The following COL4A6 variants were observed in gnomAD, a reference collection of about 807,000 sequenced individuals.
The protein encoded by COL4A6 is collagen type IV alpha 6 chain, also known as collagen alpha-6(IV) chain.
A neutral mutation model predicts 126.7 loss-of-function variants in COL4A6; 59 were observed. The ratio of observed to expected loss-of-function variants is 0.47; its 90% CI spans 0.38 to 0.58. The LOEUF is 0.58. Among genes scored for constraint, COL4A6 ranks in the 20% least tolerant of loss-of-function variants. The probability of loss-of-function intolerance (pLI) is 0.00; values close to 1 mark genes in which losing one functional copy is unlikely to be tolerated. For synonymous variants in COL4A6, 547 were observed against 496.6 expected (o/e 1.10, Z -1.35); for missense variants, 1,285 against 1,337.3 (o/e 0.96, Z 0.61).
intron 3 of COL4A6, among the ~76,000 whole-genome samples, chrX:108,261,798 A>G (rs932852665): frequency 1.8e-5 from 2 of 111,818 alleles, no homozygotes; most frequent in African/African-American, 6.5e-5. Context: ...TCTGATCTAT[A>G]AATATTTAAC....
At chrX:108,284,027 A>G (rs1302293840) in intron 3 of COL4A6, among the ~76,000 whole-genome samples, 3 of 111,903 alleles carry the variant, frequency 2.7e-5, no homozygotes, top group African/African-American at 9.7e-5. Context: ...TAACTGTAAT[A>G]CATTCAGTAG....
chrX:108,267,045 C>T (rs1328564741), intron 3 of COL4A6, among the ~76,000 whole-genome samples: 1 of 112,070 alleles, frequency 8.9e-6, no homozygotes, highest in Non-Finnish European at 1.9e-5. Context: ...TAAAGTCAAG[C>T]TATTGGCAGA....
At chrX:108,169,238 T>A (rs1365818728) in intron 37 of COL4A6, among the ~76,000 whole-genome samples, 1 of 111,227 alleles carries the variant, frequency 9.0e-6, no homozygotes, top group African/African-American at 3.3e-5. Flanking sequence ...AGGCTTGAGG[T>A]TAGTAAGGAG....
intron 3 of COL4A6, among the ~76,000 whole-genome samples, chrX:108,258,932 T>C (rs770868699): frequency 1.1e-3 from 120 of 110,917 alleles, no homozygotes; most frequent in Non-Finnish European, 1.9e-3. Flanking sequence ...CTCCTCTCTA[T>C]TGAAACTGTG....
intron 37 of COL4A6, among the ~76,000 whole-genome samples, chrX:108,166,548 C>T (rs1340039614): frequency 8.9e-6 from 1 of 111,828 alleles, no homozygotes. Flanking sequence ...CTGAATTTCT[C>T]TTATTAAGGT....
Position 108,173,461 on chromosome X carries a change from GGTGTGTGTGT to G in COL4A6, c.3139-939_3139-930del, listed in dbSNP as rs56782024. On this transcript the variant is annotated intron_variant, in intron 31 of 44. Coordinates refer to ENST00000334504, the MANE Select transcript of COL4A6 (RefSeq NM_033641.4). ...GAACTATTTATTTTCAATTGCTTCAGGTGTGTGTGTGTGTGTGTGTGTGTGTGTGTGTGTG... is the reference window on the plus strand; with the variant it reads ...GAACTATTTATTTTCAATTGCTTCAGGTGTGTGTGTGTGTGTGTGTGTGTG... Among the ~76,000 whole-genome samples the G allele has an allele frequency of 2.7e-3, 274 of 100,998 alleles. 2 individuals are homozygous for G. In the South Asian group the frequency reaches 0.04, roughly 15 times the overall value. 87.7% of individuals were successfully genotyped at this position (100,998 alleles called of 115,157 possible). A position where few individuals can be genotyped will look rare whatever the true frequency, so the allele number is the denominator to read the frequency against.
chrX:108,376,045 C>G (rs2040427196), intron 2 of COL4A6, among the ~76,000 whole-genome samples: 1 of 111,956 alleles, frequency 8.9e-6, no homozygotes. Flanking sequence ...CATCTTTTTT[C>G]TGGCTTAAAT....
chrX:108,165,344 C>G, intron 38 of COL4A6, 26 bp downstream of exon 38: 1 of 1,138,848 alleles, frequency 8.8e-7, no homozygotes, highest in Non-Finnish European at 1.2e-6. Flanking sequence ...TGGTGGCTAG[C>G]CCTCTTTTGG....
intron 3 of COL4A6, among the ~76,000 whole-genome samples, chrX:108,246,531 T>A (rs2036720810): frequency 8.9e-6 from 1 of 112,058 alleles, no homozygotes; most frequent in South Asian, 3.7e-4. Flanking sequence ...CTAACAAAAC[T>A]TTATTTAGAA....
chrX:108,301,498 C>T (rs1331180592), intron 3 of COL4A6, among the ~76,000 whole-genome samples: 1 of 111,080 alleles, frequency 9.0e-6, no homozygotes, highest in African/African-American at 3.3e-5. Flanking sequence ...CAGATTTTCT[C>T]CACTCCAAGT....
chrX:108,179,457 A>G lies in COL4A6; in HGVS notation c.2132-19T>C. On this transcript the variant is annotated intron_variant, in intron 25 of 44. Transcript: ENST00000334504. Reference sequence around the variant, plus strand: ...GGAAATCCTAAACGTAAAAAGGCGAACATAAAAGACCATGGCTGTTTAGAA... The same window carrying G: ...GGAAATCCTAAACGTAAAAAGGCGAGCATAAAAGACCATGGCTGTTTAGAA... 4.3e-6 allele frequency: 5 copies of G among 1,151,738 alleles called. No individual in the cohort carries two copies. Among genetic ancestry groups the G allele is most frequent in the Non-Finnish European group, 5.9e-6 (5 of 851,494 alleles). The allele number at this position is 1,151,738 out of a possible 1,213,427, so 94.9% of individuals were successfully genotyped here.
intron 38 of COL4A6, 148 bp downstream of exon 38, chrX:108,165,222 C>A: frequency 1.4e-6 from 1 of 730,850 alleles, no homozygotes; most frequent in Non-Finnish European, 2.1e-6. Context: ...TGGCTCAAGT[C>A]CCCTGTGTCC....
chrX:108,438,240 G>T lies in COL4A6; in HGVS notation c.-44C>A, dbSNP rs750303578. Reference sequence around the variant, plus strand: ...GCTGGGTCCCGGGAGACTGCTAAGCGGCTCCGCGGCCCGTGCTCATCTGGG... The same window carrying T: ...GCTGGGTCCCGGGAGACTGCTAAGCTGCTCCGCGGCCCGTGCTCATCTGGG... On this transcript the variant is annotated 5_prime_UTR_variant, in exon 1 of 45. Coordinates refer to ENST00000334504, the MANE Select transcript of COL4A6 (RefSeq NM_033641.4). The T allele has an allele frequency of 2.0e-5, 23 of 1,165,066 alleles. No homozygotes were observed. The highest frequency in any genetic ancestry group is 2.6e-5 in the Non-Finnish European group (23 of 875,640).
In COL4A6 at chrX:108,221,242, T is replaced by C. The variant is rs746995013; in HGVS notation, c.277A>G (p.Lys93Glu). The change falls in exon 4 of 45, where the codon AAG becomes GAG. Residue 93 changes from lysine (K) to glutamate (E), a missense_variant and splice_region_variant. Transcript: ENST00000334504. ...AAATCAAGCTTTGCTGGTCTTACCTTATCTCCTTTTGGTCCATAAGGTCCC... is the reference window on the plus strand; with the variant it reads ...AAATCAAGCTTTGCTGGTCTTACCTCATCTCCTTTTGGTCCATAAGGTCCC... Reference protein sequence around the residue: ...LLGPYGPKGDKGPMGVPGFLG... With the variant: ...LLGPYGPKGDEGPMGVPGFLG... 9.9e-6 allele frequency: 12 copies of C among 1,210,157 alleles called. No individual in the cohort carries two copies. The Admixed American group carries it at 2.4e-4, about 24-fold the overall frequency.
intron 8 of COL4A6, 193 bp from the exon 9 acceptor site, chrX:108,206,773 C>A (rs757956917): frequency 9.5e-6 from 5 of 528,372 alleles, no homozygotes; most frequent in Non-Finnish European, 1.4e-5. Flanking sequence ...GGAATAAATG[C>A]CTACAATAAG....
At chrX:108,157,741 G>A (rs1445185155) in intron 44 of COL4A6, among the ~76,000 whole-genome samples, 1 of 111,806 alleles carries the variant, frequency 8.9e-6, no homozygotes, top group Non-Finnish European at 1.9e-5. Context: ...ACCTACTGAA[G>A]TTCTCCTTAA....
At chrX:108,321,625 A>G (rs749530218) in intron 2 of COL4A6, among the ~76,000 whole-genome samples, 2 of 111,509 alleles carry the variant, frequency 1.8e-5, no homozygotes, top group Non-Finnish European at 3.8e-5. Context: ...TGAGTTTCAG[A>G]CAGTTGGTAT....
intron 3 of COL4A6, among the ~76,000 whole-genome samples, chrX:108,290,879 T>C (rs868293838): frequency 5.3e-5 from 6 of 112,526 alleles, no homozygotes; most frequent in Admixed American, 2.8e-4. Flanking sequence ...CATCTCCCAG[T>C]TCCTGGGTGC....
chrX:108,331,235 A>G (rs2039291061), intron 2 of COL4A6, among the ~76,000 whole-genome samples: 1 of 111,965 alleles, frequency 8.9e-6, no homozygotes, highest in African/African-American at 3.3e-5. Flanking sequence ...CCAGGAAAAT[A>G]TAGCCAAAAT....
Sources: allele counts gnomAD v4.1 joint callset (sites outside exome capture counted in the v4.1 genomes callset), GRCh38; gene constraint gnomAD v4.1.1; transcripts MANE v1.5; gene names NCBI Gene and HGNC (gene_info 2026-07-23, HGNC 2026-07-21).